The following MED13 variants were observed in gnomAD, a reference collection of about 807,000 sequenced individuals.
The protein encoded by MED13 is mediator of RNA polymerase II transcription subunit 13.
In MED13, 23 loss-of-function variants were observed where a neutral mutation model predicts 225.2. The ratio of observed to expected loss-of-function variants is 0.10; its 90% confidence interval spans 0.07 to 0.14. The LOEUF is 0.14. MED13 is among the 10% of genes least tolerant of loss of function. The pLI is 1.00. For synonymous variants in MED13, 942 were observed against 889.2 expected, an observed-to-expected ratio of 1.06 and a Z score of -1.06; for missense variants, 2,197 against 2,594.5, an observed-to-expected ratio of 0.85 and a Z score of 3.33.
chr17:61,994,624 A>G (rs2080331793), intron 10 of MED13, among the ~76,000 whole-genome samples: 1 of 152,194 alleles, frequency 6.6e-6, no homozygotes, highest in Non-Finnish European at 1.5e-5. Context: ...CAACCCAGAA[A>G]CTTTTAAACA....
intron 18 of MED13, 99 bp downstream of exon 18, chr17:61,967,936 T>C: frequency 2.3e-6 from 2 of 869,848 alleles, no homozygotes. Flanking sequence ...TCTGACATCA[T>C]CACTGTGTCC....
In MED13 at chr17:62,018,548, T is replaced by TAC. The variant is rs576099013; in HGVS notation, c.1284-7317_1284-7316dup. ...GGTGAAACCCAATCTCTATTACAAATACACACACACAAAAAGTTAGCTGGG... is the reference window on the plus strand; with the variant it reads ...GGTGAAACCCAATCTCTATTACAAATACACACACACACAAAAAGTTAGCTGGG... On this transcript the variant is annotated intron_variant, in intron 8 of 29. Coordinates refer to ENST00000397786, the MANE Select transcript of MED13 (RefSeq NM_005121.3). Among the ~76,000 whole-genome samples the TAC allele has an allele frequency of 3.6e-4, 54 of 151,910 alleles. No homozygotes were observed. The East Asian group carries it at 5.8e-3, about 16-fold the overall frequency.
intron 16 of MED13, among the ~76,000 whole-genome samples, chr17:61,975,611 A>G (rs2080148178): frequency 6.6e-6 from 1 of 152,130 alleles, no homozygotes; most frequent in Non-Finnish European, 1.5e-5. Context: ...CCCAGCTATC[A>G]GGGAGGCTGA....
chr17:61,993,196 C>CTTTTTTTTTTTTTTTTTT (rs1267367816), intron 10 of MED13, among the ~76,000 whole-genome samples: 2 of 127,424 alleles, frequency 1.6e-5, no homozygotes, highest in African/African-American at 7.2e-5. Context: ...TTCTTTCTTT[C>CTTTTTTTTTTTTTTTTTT]TTTCTTTTTT....
At chr17:62,023,242 A>T (rs897655128) in intron 8 of MED13, among the ~76,000 whole-genome samples, 3 of 152,176 alleles carry the variant, frequency 2.0e-5, no homozygotes, top group Non-Finnish European at 4.4e-5. Flanking sequence ...TCAATTTTTA[A>T]GAGAAGCCAA....
At chr17:61,977,728 A>G (rs1225449924) in intron 16 of MED13, among the ~76,000 whole-genome samples, 1 of 152,020 alleles carries the variant, frequency 6.6e-6, no homozygotes, top group Non-Finnish European at 1.5e-5. Flanking sequence ...GATTACAGGC[A>G]TGAGCCACCG....
intron 17 of MED13, among the ~76,000 whole-genome samples, chr17:61,971,500 G>C (rs924077142): frequency 6.6e-6 from 1 of 151,964 alleles, no homozygotes; most frequent in Non-Finnish European, 1.5e-5. Flanking sequence ...GTTTCTCCAC[G>C]TTGGTCAGGC....
chr17:62,050,050 AT>A (rs1451643775), intron 3 of MED13, among the ~76,000 whole-genome samples: 1 of 152,094 alleles, frequency 6.6e-6, no homozygotes, highest in Non-Finnish European at 1.5e-5. Context: ...TTATAACTAT[AT>A]TGGCAAGATA....
chr17:61,988,965 C>A (rs186530648), intron 11 of MED13, among the ~76,000 whole-genome samples: 9 of 152,170 alleles, frequency 5.9e-5, no homozygotes, highest in Non-Finnish European at 1.3e-4. Flanking sequence ...ATTCCCCTAC[C>A]CCCAGTCTCT....
intron 23 of MED13, among the ~76,000 whole-genome samples, chr17:61,958,626 CA>C (rs1372919592): frequency 6.6e-6 from 1 of 152,150 alleles, no homozygotes; most frequent in Admixed American, 6.5e-5. Context: ...CGTGAGCCAC[CA>C]TGCGAGGCCT....
intron 3 of MED13, among the ~76,000 whole-genome samples, chr17:62,042,833 C>T (rs895893694): frequency 6.6e-5 from 10 of 151,520 alleles, no homozygotes; most frequent in Non-Finnish European, 2.9e-5. Context: ...TAAGAGTCTA[C>T]AGTAAGAATT....
At chr17:61,963,056 C>T (rs2080017495) in intron 20 of MED13, 85 bp from the exon 21 acceptor site, 3 of 1,093,266 alleles carry the variant, frequency 2.7e-6, no homozygotes, top group South Asian at 1.4e-5. Flanking sequence ...TATCCCCCTC[C>T]TCCCTCTTTT....
In MED13 at chr17:61,983,026, G is replaced by C. The variant is rs2080218277; in HGVS notation, c.2977C>G (p.Pro993Ala). 1 of 1,613,798 alleles carries C rather than the reference G, an allele frequency of 6.2e-7. No homozygotes were observed. The highest frequency in any genetic ancestry group is 8.5e-7 in the Non-Finnish European group (1 of 1,179,904). Residue 993 changes from proline to alanine, a missense_variant, in exon 16 of 30, where the codon CCT (proline) becomes GCT (alanine). Physicochemically the swap from Pro to Ala is conservative, Grantham distance 27 (BLOSUM62 -1). This residue lies in a region of MED13 where 160 missense variants were observed against 184.8 expected (regional missense o/e 0.87). Coordinates refer to ENST00000397786, the MANE Select transcript of MED13 (RefSeq NM_005121.3). ...SFGMPPSSAP[P>A]SNSGAGILPS... ...AGAATTCCTGCTCCGCTGTTACTAG[G>C]AGGTGCACTGCTAGGAGGCATCCCA...
At chr17:62,038,833 T>C (rs2080828500) in intron 3 of MED13, among the ~76,000 whole-genome samples, 1 of 151,760 alleles carries the variant, frequency 6.6e-6, no homozygotes, top group African/African-American at 2.4e-5. Context: ...CCAGCTAATT[T>C]TTTTTTTCCC....
intron 24 of MED13, among the ~76,000 whole-genome samples, chr17:61,956,124 A>AT (rs2079941857): frequency 6.6e-6 from 1 of 152,180 alleles, no homozygotes; most frequent in Non-Finnish European, 1.5e-5. Context: ...ACAGAAAACA[A>AT]TTAAGAACAG....
intron 16 of MED13, among the ~76,000 whole-genome samples, chr17:61,976,886 C>T (rs528763140): frequency 1.5e-4 from 23 of 152,022 alleles, no homozygotes; most frequent in Non-Finnish European, 2.6e-4. Flanking sequence ...GAGCCGAGAT[C>T]GCGCCACTGC....
intron 8 of MED13, among the ~76,000 whole-genome samples, chr17:62,025,268 T>C (rs2080690317): frequency 6.6e-6 from 1 of 152,246 alleles, no homozygotes; most frequent in Non-Finnish European, 1.5e-5. Context: ...AATGTGGCTG[T>C]GTTCTAATAA....
At chr17:61,955,203 G>A (rs527882201) in intron 26 of MED13, 179 bp downstream of exon 26, 16 of 446,284 alleles carry the variant, frequency 3.6e-5, no homozygotes, top group African/African-American at 1.2e-4. Context: ...ACATGTTATC[G>A]CATTAAGGGC....
chr17:61,966,676 G>A (rs1362351597), intron 18 of MED13, 25 bp from the exon 19 acceptor site: 2 of 1,467,032 alleles, frequency 1.4e-6, no homozygotes, highest in Non-Finnish European at 1.8e-6. Flanking sequence ...ACAGAAAGCA[G>A]AATTAGTAAA....
Sources: allele counts gnomAD v4.1 joint callset (sites outside exome capture counted in the v4.1 genomes callset), GRCh38; gene constraint gnomAD v4.1.1; regional missense constraint gnomAD v4.1.1; transcripts MANE v1.5; gene names NCBI Gene and HGNC (gene_info 2026-07-23, HGNC 2026-07-21).